The following SLC14A2 variants were observed in gnomAD, a reference collection of about 807,000 sequenced individuals.
The protein encoded by SLC14A2 is urea transporter 2.
A neutral mutation model predicts 104.6 loss-of-function variants in SLC14A2; 91 were observed. The ratio of observed to expected loss-of-function variants is 0.87; its 90% CI spans 0.73 to 1.04. SLC14A2 has a LOEUF of 1.04. SLC14A2 is among the 50% of genes least tolerant of loss of function. The probability of loss-of-function intolerance (pLI) is 0.00; values close to 1 mark genes in which losing one functional copy is unlikely to be tolerated. For missense variants in SLC14A2, 1,189 were observed against 1,156.0 expected, an observed-to-expected ratio of 1.03 and a Z score of -0.41; for synonymous variants, 476 against 466.4, an observed-to-expected ratio of 1.02 and a Z score of -0.27.
chr18:45,497,813 G>A (rs536648651), intron 2 of SLC14A2, among the ~76,000 whole-genome samples: 12 of 152,164 alleles, frequency 7.9e-5, no homozygotes, highest in Non-Finnish European at 1.6e-4. Flanking sequence ...TTTTGGTGAC[G>A]GATCTGTCCC....
chr18:45,445,252 C>G (rs571075627), intron 1 of SLC14A2, among the ~76,000 whole-genome samples: 18 of 151,948 alleles, frequency 1.2e-4, no homozygotes, highest in Admixed American at 1.3e-4. Context: ...GCTGGGACTA[C>G]AGGCATGCAC....
chr18:45,503,481 T>C (rs2043231449), intron 2 of SLC14A2, among the ~76,000 whole-genome samples: 1 of 152,156 alleles, frequency 6.6e-6, no homozygotes, highest in Admixed American at 6.5e-5. Context: ...CTCCTTCCCT[T>C]TTCTGTTTGC....
At chr18:45,181,420 T>G in the SLC14A2 span, 27 of 152,192 alleles carry the variant, frequency 1.8e-4, no homozygotes, top group African/African-American at 6.3e-4. Flanking sequence ...GTGGTGTGGG[T>G]GGGGCAGGCA....
At chr18:45,332,986 A>G (rs376742677) in intron 1 of SLC14A2, among the ~76,000 whole-genome samples, 13 of 152,186 alleles carry the variant, frequency 8.5e-5, no homozygotes, top group Non-Finnish European at 4.4e-5. Context: ...AGAATTCATA[A>G]AAATGCAGCT....
At chr18:45,262,035 G>A (rs1311959245) in intron 1 of SLC14A2, among the ~76,000 whole-genome samples, 2 of 152,166 alleles carry the variant, frequency 1.3e-5, no homozygotes, top group African/African-American at 2.4e-5. Flanking sequence ...CAGTGTAAAA[G>A]CATTCCTATT....
intron 1 of SLC14A2, among the ~76,000 whole-genome samples, chr18:45,463,584 T>G (rs889997024): frequency 1.1e-4 from 17 of 152,238 alleles, no homozygotes; most frequent in African/African-American, 4.1e-4. Context: ...TAGCCAGGTT[T>G]GTAGGACATT....
intron 6 of SLC14A2, among the ~76,000 whole-genome samples, chr18:45,638,051 C>T (rs978769686): frequency 2.0e-5 from 3 of 152,188 alleles, no homozygotes; most frequent in Admixed American, 2.0e-4. Context: ...CCTCATTCCT[C>T]TCATTCTTGA....
At chr18:45,483,792 G>A (rs1175254922) in intron 2 of SLC14A2, among the ~76,000 whole-genome samples, 2 of 152,152 alleles carry the variant, frequency 1.3e-5, no homozygotes, top group Non-Finnish European at 2.9e-5. Flanking sequence ...TTTATCTTAA[G>A]GTCACTTGCT....
intron 5 of SLC14A2, 39 bp from the exon 6 acceptor site, chr18:45,636,951 A>G: frequency 6.5e-7 from 1 of 1,538,312 alleles, no homozygotes; most frequent in South Asian, 1.2e-5. Flanking sequence ...AGACCTCAGG[A>G]TGTCACAGGG....
At chr18:45,629,784 C>G (rs1177914025) in intron 4 of SLC14A2, among the ~76,000 whole-genome samples, 1 of 152,148 alleles carries the variant, frequency 6.6e-6, no homozygotes, top group Non-Finnish European at 1.5e-5. Context: ...TCACAAACAC[C>G]CTGATTAAGA....
chr18:45,451,606 T>G (rs2086859163), intron 1 of SLC14A2, among the ~76,000 whole-genome samples: 1 of 152,130 alleles, frequency 6.6e-6, no homozygotes, highest in Admixed American at 6.6e-5. Flanking sequence ...AAATAAAAAA[T>G]AATTAAATTG....
At chr18:45,285,716 C>T (rs575358265) in intron 1 of SLC14A2, among the ~76,000 whole-genome samples, 8 of 145,960 alleles carry the variant, frequency 5.5e-5, no homozygotes, top group South Asian at 4.6e-4. Context: ...TGAGCCACTG[C>T]GCCCAGCCGG....
chr18:45,352,323 CTTA>C (rs1416048171), intron 1 of SLC14A2, among the ~76,000 whole-genome samples: 3 of 152,178 alleles, frequency 2.0e-5, no homozygotes, highest in African/African-American at 7.2e-5. Flanking sequence ...CCCATTCTTT[CTTA>C]TGATTCTCCA....
intron 1 of SLC14A2, among the ~76,000 whole-genome samples, chr18:45,229,255 T>C (rs1326092429): frequency 1.3e-5 from 2 of 152,136 alleles, no homozygotes; most frequent in Admixed American, 1.3e-4. Flanking sequence ...TACACGCAGA[T>C]TGAAGCCAGG....
At position 45,618,653 on chromosome 18, in the gene SLC14A2, G is replaced by A. The variant is rs559267228; in HGVS notation, c.-35+3071G>A. Among the ~76,000 whole-genome samples the A allele has an allele frequency of 1.8e-3, 195 of 108,534 alleles. 11 individuals are homozygous for A. In the South Asian group the frequency reaches 0.059, roughly 33 times the overall value. 71.2% of individuals were successfully genotyped at this position (108,534 alleles called of 152,430 possible). A position where few individuals can be genotyped will look rare whatever the true frequency, so the allele number is the denominator to read the frequency against. On this transcript the variant is annotated intron_variant, in intron 1 of 19. Transcript: ENST00000255226. ...CATTGCACTCCAAGCTGGGTGACAA[G>A]AGCGAAACTCTGTCTCAAAAAAAAA...
chr18:45,174,385 T>A, the SLC14A2 span, among the ~76,000 whole-genome samples: 1 of 152,164 alleles, frequency 6.6e-6, no homozygotes, highest in African/African-American at 2.4e-5. Context: ...TATTCTTTGC[T>A]CCACCATTTT....
intron 1 of SLC14A2, among the ~76,000 whole-genome samples, chr18:45,343,082 G>T (rs2085412317): frequency 6.6e-6 from 1 of 152,076 alleles, no homozygotes; most frequent in African/African-American, 2.4e-5. Context: ...CCTAAATCTG[G>T]GTGGCACAAC....
intron 1 of SLC14A2, among the ~76,000 whole-genome samples, chr18:45,396,633 G>T (rs9964018): frequency 0.54 from 66,345 of 122,942 alleles, 15,937 homozygotes; most frequent in Non-Finnish European, 0.56. Flanking sequence ...TTTTGTTTTT[G>T]TTTTTTTTCT....
At chr18:45,614,764 C>A (rs2045032054), upstream of SLC14A2, 1 of 151,800 alleles carries the variant, frequency 6.6e-6, no homozygotes, top group South Asian at 2.1e-4. Flanking sequence ...CCTCCTGCAC[C>A]CCCACTGTAT....
Sources: allele counts gnomAD v4.1 joint callset (sites outside exome capture counted in the v4.1 genomes callset), GRCh38; gene constraint gnomAD v4.1.1; transcripts MANE v1.5; gene names NCBI Gene and HGNC (gene_info 2026-07-23, HGNC 2026-07-21).